Variants in IQSEC1 observed in about 807,000 individuals in gnomAD.
IQSEC1 encodes IQ motif and SEC7 domain-containing protein 1.
Under a neutral mutation model 91.0 loss-of-function variants are expected in IQSEC1, and 31 were observed. That is an observed-to-expected ratio of 0.34 (90% confidence interval 0.26 to 0.46). IQSEC1 has a LOEUF of 0.46. Among genes scored for constraint, IQSEC1 ranks in the 20% least tolerant of loss-of-function variants. The pLI is 1.00. For missense variants in IQSEC1, 1,388 were observed against 1,575.6 expected, an observed-to-expected ratio of 0.88 and a Z score of 2.02; for synonymous variants, 699 against 662.6, an observed-to-expected ratio of 1.05 and a Z score of -0.84.
At chr3:12,925,745 G>A (rs973807221) in intron 3 of IQSEC1, among the ~76,000 whole-genome samples, 2 of 152,216 alleles carry the variant, frequency 1.3e-5, no homozygotes, top group Non-Finnish European at 2.9e-5. Flanking sequence ...CATAGGGCAC[G>A]GCATGTGTGT....
chr3:13,013,717 G>C (rs1011131494), intron 1 of IQSEC1, among the ~76,000 whole-genome samples: 2 of 151,520 alleles, frequency 1.3e-5, no homozygotes, highest in Non-Finnish European at 1.5e-5. Flanking sequence ...CACCAAGAAG[G>C]GAAGGGATGG....
intron 2 of IQSEC1, among the ~76,000 whole-genome samples, chr3:13,127,279 T>C (rs1039563311): frequency 2.0e-5 from 3 of 152,110 alleles, no homozygotes; most frequent in Non-Finnish European, 4.4e-5. Flanking sequence ...CCAGGTGTGG[T>C]GGCAGGCGCC....
intron 2 of IQSEC1, among the ~76,000 whole-genome samples, chr3:13,162,571 C>T (rs1379839487): frequency 6.6e-6 from 1 of 152,226 alleles, no homozygotes; most frequent in Admixed American, 6.5e-5. Flanking sequence ...CTTGCCCTCC[C>T]TCTGAAGGGA....
intron 1 of IQSEC1, among the ~76,000 whole-genome samples, chr3:13,191,199 T>TG (rs1491528567): frequency 1.3e-5 from 2 of 152,230 alleles, no homozygotes; most frequent in African/African-American, 4.8e-5. Flanking sequence ...CCTGACAGTC[T>TG]GTGCCTGGTG....
At chr3:13,247,242 T>C (rs1422757916) in intron 1 of IQSEC1, among the ~76,000 whole-genome samples, 1 of 152,194 alleles carries the variant, frequency 6.6e-6, no homozygotes, top group Non-Finnish European at 1.5e-5. Context: ...AGACTGGCTT[T>C]GGACAGGTCC....
chr3:13,256,254 G>A (rs2125123256), intron 1 of IQSEC1, among the ~76,000 whole-genome samples: 1 of 152,280 alleles, frequency 6.6e-6, no homozygotes, highest in Middle Eastern at 3.4e-3. Flanking sequence ...TCCACGACAT[G>A]TTCCCACATT....
intron 1 of IQSEC1, among the ~76,000 whole-genome samples, chr3:13,217,717 A>G (rs1397503731): frequency 2.0e-5 from 3 of 152,218 alleles, no homozygotes; most frequent in Non-Finnish European, 4.4e-5. Flanking sequence ...CTTTACTTAA[A>G]TGTATTTTGA....
In IQSEC1 at chr3:12,899,231, G is replaced by A. The variant is rs1693964521; in HGVS notation, c.*1752C>T. On this transcript the variant is annotated 3_prime_UTR_variant, in exon 14 of 14. Transcript: ENST00000613206. ...AGCCAGCCAAGGTGACACACAGCCA[G>A]AGGGGGCTCCCCTCTCCTCCTGCCG... The A allele has an allele frequency of 1.3e-6, 1 of 767,494 alleles. No individual in the cohort carries two copies. The highest frequency in any genetic ancestry group is 1.8e-5 in the African/African-American group (1 of 56,704). 47.5% of individuals were successfully genotyped at this position (767,494 alleles called of 1,614,324 possible).
intron 1 of IQSEC1, among the ~76,000 whole-genome samples, chr3:13,250,807 C>T (rs115333099): frequency 6.6e-6 from 1 of 151,828 alleles, no homozygotes; most frequent in African/African-American, 2.4e-5. Flanking sequence ...AGCTTTCCCC[C>T]ACCCCTGCTG....
chr3:13,105,738 C>T (rs1031376985), intron 2 of IQSEC1, among the ~76,000 whole-genome samples: 3 of 152,096 alleles, frequency 2.0e-5, no homozygotes, highest in Admixed American at 6.5e-5. Flanking sequence ...CCTCCCTCCT[C>T]GTGAAGAGTA....
chr3:13,210,540 G>T (rs1368396828), intron 1 of IQSEC1, among the ~76,000 whole-genome samples: 1 of 152,142 alleles, frequency 6.6e-6, no homozygotes, highest in Non-Finnish European at 1.5e-5. Context: ...GGGTTGATGC[G>T]TGTCCATGCG....
chr3:13,276,055 A>T (rs538894175), intron 1 of IQSEC1, among the ~76,000 whole-genome samples: 1 of 141,500 alleles, frequency 7.1e-6, no homozygotes, highest in East Asian at 2.3e-4. Context: ...TAAAACATTG[A>T]GGGAAAACAA....
intron 2 of IQSEC1, among the ~76,000 whole-genome samples, chr3:12,939,640 C>T (rs962693193): frequency 1.3e-5 from 2 of 152,174 alleles, no homozygotes; most frequent in Non-Finnish European, 2.9e-5. Flanking sequence ...ATGTCGCCTC[C>T]TCCCTCTTAC....
intron 2 of IQSEC1, among the ~76,000 whole-genome samples, chr3:13,109,700 C>T (rs1034799505): frequency 1.3e-5 from 2 of 151,986 alleles, no homozygotes; most frequent in Non-Finnish European, 2.9e-5. Context: ...CACCTTCCAC[C>T]ATGAGTGGAA....
At chr3:12,942,384 C>T (rs1052282503) in intron 1 of IQSEC1, among the ~76,000 whole-genome samples, 68 of 152,260 alleles carry the variant, frequency 4.5e-4, no homozygotes, top group South Asian at 4.1e-4. Context: ...GGGCGGATCA[C>T]GAGGTCAGGA....
chr3:13,159,371 G>C (rs2124976653), intron 2 of IQSEC1, among the ~76,000 whole-genome samples: 1 of 152,282 alleles, frequency 6.6e-6, no homozygotes, highest in East Asian at 1.9e-4. Flanking sequence ...GAAGGTTACA[G>C]TGAGCCGAGA....
Position 12,908,815 on chromosome 3 carries a change from T to C in IQSEC1, c.2579-290A>G, listed in dbSNP as rs1222842088. Among the ~76,000 whole-genome samples, 1 of 151,688 alleles carries C rather than the reference T, an allele frequency of 6.6e-6. No individual in the cohort carries two copies. Among genetic ancestry groups the C allele is most frequent in the Non-Finnish European group, 1.5e-5 (1 of 67,884 alleles). On this transcript the variant is annotated intron_variant, in intron 11 of 13. Coordinates refer to ENST00000613206, the MANE Select transcript of IQSEC1 (RefSeq NM_001134382.3). The surrounding 1 kb of genome is among the most constrained non-coding windows in gnomAD (Gnocchi z 4.9). Reference sequence around the variant, plus strand: ...CACAGACTTGCCTGGGTCTGAGAGATGAGCAAAGATTAGCCAGGGTCTTCC... The same window carrying C: ...CACAGACTTGCCTGGGTCTGAGAGACGAGCAAAGATTAGCCAGGGTCTTCC...
chr3:12,921,978 G>C, intron 5 of IQSEC1, 142 bp downstream of exon 5: 1 of 1,019,830 alleles, frequency 9.8e-7, no homozygotes. Context: ...GAGCCAGTAC[G>C]ATCACCCCCA....
intron 2 of IQSEC1, among the ~76,000 whole-genome samples, chr3:13,082,866 C>T (rs1379125748): frequency 6.6e-6 from 1 of 152,216 alleles, no homozygotes; most frequent in Non-Finnish European, 1.5e-5. Flanking sequence ...TGTCAGCCCC[C>T]CACTCCCAAG....
Sources: allele counts gnomAD v4.1 joint callset (sites outside exome capture counted in the v4.1 genomes callset), GRCh38; gene constraint gnomAD v4.1.1; non-coding constraint Gnocchi (gnomAD v3.1); transcripts MANE v1.5; gene names NCBI Gene and HGNC (gene_info 2026-07-23, HGNC 2026-07-21).